WDR12: variants seen among roughly 807,000 people sequenced by gnomAD.
WDR12 encodes the protein WD repeat domain 12.
In WDR12, 42 loss-of-function variants were observed where a neutral mutation model predicts 64.3. The ratio of observed to expected loss-of-function variants is 0.65; its 90% CI spans 0.51 to 0.84. The LOEUF is 0.84. Among genes scored for constraint, WDR12 ranks in the 40% least tolerant of loss-of-function variants. The pLI is 0.00. For missense variants in WDR12, 469 were observed against 494.6 expected (o/e 0.95, Z 0.49); for synonymous variants, 158 against 173.3 (o/e 0.91, Z 0.70).
At chr2:202,890,702 C>T (rs543425194) in intron 8 of WDR12, among the ~76,000 whole-genome samples, 10 of 150,234 alleles carry the variant, frequency 6.7e-5, no homozygotes, top group Admixed American at 1.3e-4. Context: ...ACCCGGGGGG[C>T]GGAGCTTGCA....
At chr2:202,904,612 TC>T (rs1688421507) in intron 2 of WDR12, among the ~76,000 whole-genome samples, 3 of 151,972 alleles carry the variant, frequency 2.0e-5, no homozygotes, top group Admixed American at 1.3e-4. Flanking sequence ...AAACTGGGTA[TC>T]CATATGCAAA....
intron 2 of WDR12, among the ~76,000 whole-genome samples, chr2:202,904,820 C>T (rs940112646): frequency 3.3e-5 from 5 of 152,268 alleles, no homozygotes; most frequent in Admixed American, 6.5e-5. Flanking sequence ...CAGAAATAGA[C>T]AAATGCGATC....
chr2:202,899,314 G>A (rs1238883408), intron 4 of WDR12, among the ~76,000 whole-genome samples: 2 of 152,028 alleles, frequency 1.3e-5, no homozygotes, highest in Admixed American at 6.6e-5. Context: ...AAAGTGCTGG[G>A]ATTACAGGCA....
chr2:202,911,671 TA>T lies in WDR12; in HGVS notation c.-196del. ...TGCAGAAAGCACGAGGTTGCCCTTC[TA>T]CAGACGCCCAGACCACAAACATCGA... On this transcript the variant is annotated 5_prime_UTR_variant, in exon 1 of 13. Coordinates refer to ENST00000261015, the MANE Select transcript of WDR12 (RefSeq NM_018256.4). 5.0e-6 allele frequency: 3 copies of T among 602,764 alleles called. No homozygotes were observed. Among genetic ancestry groups the T allele is most frequent in the Non-Finnish European group, 9.0e-6 (3 of 334,668 alleles). The allele number at this position is 602,764 out of a possible 1,614,324, so 37.3% of individuals were successfully genotyped here. A position where few individuals can be genotyped will look rare whatever the true frequency, so the allele number is the denominator to read the frequency against.
chr2:202,898,944 TAA>T (rs532820834), intron 4 of WDR12, among the ~76,000 whole-genome samples: 24 of 94,904 alleles, frequency 2.5e-4, no homozygotes, highest in South Asian at 6.7e-4. Context: ...AGACCCCGTT[TAA>T]AAAAAAAAAA....
chr2:202,893,795 T>C (rs1216297569), intron 7 of WDR12, among the ~76,000 whole-genome samples: 1 of 152,180 alleles, frequency 6.6e-6, no homozygotes, highest in Non-Finnish European at 1.5e-5. Flanking sequence ...AGCACCTTCC[T>C]CTCAAAGTCC....
rs543310961 is a variant in WDR12, at chr2:202,883,640, C to G, written c.1090G>C (p.Asp364His). 6.2e-7 allele frequency: 1 copy of G among 1,613,952 alleles called. No individual in the cohort carries two copies. Among genetic ancestry groups the G allele is most frequent in the South Asian group, 1.1e-5 (1 of 91,062 alleles). Residue 364 changes from aspartate to histidine, a missense_variant, in exon 11 of 13, where the codon GAT (aspartate) becomes CAT (histidine). By Grantham distance (81) the Asp-to-His change is moderately conservative. Coordinates refer to ENST00000261015, the MANE Select transcript of WDR12 (RefSeq NM_018256.4). ...HEQQLISGSLDNIVKLWDTRS... is the reference protein window; with the variant it reads ...HEQQLISGSLHNIVKLWDTRS... ...GTATCCCACAGCTTAACAATGTTATCTAAAGATCCTGAAATCAGCTGCTGT... is the reference window on the plus strand; with the variant it reads ...GTATCCCACAGCTTAACAATGTTATGTAAAGATCCTGAAATCAGCTGCTGT...
chr2:202,887,885 A>C, intron 8 of WDR12, among the ~76,000 whole-genome samples: 1 of 137,412 alleles, frequency 7.3e-6, no homozygotes, highest in Admixed American at 7.8e-5. Flanking sequence ...ACAGAGCGAG[A>C]CTCCGTCTCA....
At chr2:202,894,522 C>A (rs1011289914) in intron 7 of WDR12, 59 bp downstream of exon 7, 22 of 1,473,504 alleles carry the variant, frequency 1.5e-5, no homozygotes, top group Non-Finnish European at 2.0e-5. Flanking sequence ...ATATAGCCTC[C>A]GAATTTAAAT....
chr2:202,883,557 T>C, intron 11 of WDR12, 52 bp downstream of exon 11: 1 of 1,569,290 alleles, frequency 6.4e-7, no homozygotes. Flanking sequence ...TCATTTCCTT[T>C]CTATAACAGG....
intron 1 of WDR12, among the ~76,000 whole-genome samples, chr2:202,911,183 AC>A (rs1688614442): frequency 1.3e-5 from 2 of 152,198 alleles, no homozygotes; most frequent in Admixed American, 6.5e-5. Context: ...ACACCCTATA[AC>A]AAGGCCCACT....
At chr2:202,880,992 C>T in intron 12 of WDR12, 55 bp from the exon 13 acceptor site, 1 of 1,403,422 alleles carries the variant, frequency 7.1e-7, no homozygotes, top group Non-Finnish European at 9.8e-7. Flanking sequence ...AATTATTTCA[C>T]ATCATAGCTA....
intron 8 of WDR12, among the ~76,000 whole-genome samples, chr2:202,887,116 C>T (rs1363601117): frequency 6.6e-6 from 1 of 152,162 alleles, no homozygotes; most frequent in African/African-American, 2.4e-5. Flanking sequence ...TTCCACCTCC[C>T]AGGTTCAAGC....
chr2:202,896,759 C>T (rs960767776), intron 5 of WDR12, among the ~76,000 whole-genome samples: 14 of 151,930 alleles, frequency 9.2e-5, no homozygotes, highest in African/African-American at 3.4e-4. Flanking sequence ...GAGGCCAAGG[C>T]GGGTGGATCA....
At chr2:202,884,937 T>C (rs1688020791) in intron 8 of WDR12, among the ~76,000 whole-genome samples, 1 of 152,228 alleles carries the variant, frequency 6.6e-6, no homozygotes, top group Non-Finnish European at 1.5e-5. Flanking sequence ...GGCCTTGGAC[T>C]GATGGATACA....
intron 7 of WDR12, among the ~76,000 whole-genome samples, chr2:202,894,373 C>T (rs545443788): frequency 2.6e-5 from 4 of 152,254 alleles, no homozygotes; most frequent in African/African-American, 9.6e-5. Context: ...CATACCACCA[C>T]ACCTTGCTAA....
At chr2:202,893,781 T>C (rs1450098194) in intron 7 of WDR12, among the ~76,000 whole-genome samples, 1 of 152,200 alleles carries the variant, frequency 6.6e-6, no homozygotes, top group Admixed American at 6.6e-5. Flanking sequence ...CTTACTACTA[T>C]GAAAGCACCT....
chr2:202,892,749 C>T (rs369896855), intron 7 of WDR12, 47 bp from the exon 8 acceptor site: 2 of 1,361,152 alleles, frequency 1.5e-6, no homozygotes, highest in African/African-American at 1.4e-5. Context: ...CAGTATTAAT[C>T]GTGAACTGTC....
In WDR12 at chr2:202,874,613, ATC is replaced by A. The variant is rs1687825084; in HGVS notation, c.*6245_*6246del. Among the ~76,000 whole-genome samples, 1 of 152,220 alleles carries A rather than the reference ATC, an allele frequency of 6.6e-6. No homozygotes were observed. The highest frequency in any genetic ancestry group is 2.4e-5 in the African/African-American group (1 of 41,450). On this transcript the variant is annotated 3_prime_UTR_variant, in exon 13 of 13. Coordinates refer to ENST00000261015, the MANE Select transcript of WDR12 (RefSeq NM_018256.4). ...GGATTAGAGGTCTATTGAATCTGAC[ATC>A]ACACAAAAAGCTCTATTTCTTCAAG...
Sources: allele counts gnomAD v4.1 joint callset (sites outside exome capture counted in the v4.1 genomes callset), GRCh38; gene constraint gnomAD v4.1.1; transcripts MANE v1.5; gene names NCBI Gene and HGNC (gene_info 2026-07-23, HGNC 2026-07-21).